Variants in ARMC3 observed in about 807,000 individuals in gnomAD.
ARMC3 encodes the protein armadillo repeat containing 3, also known as armadillo repeat-containing protein 3.
A neutral mutation model predicts 90.3 loss-of-function variants in ARMC3; 74 were observed. The ratio of observed to expected loss-of-function variants is 0.82; its 90% CI spans 0.68 to 0.99. ARMC3 has a LOEUF of 0.99. ARMC3 is among the 50% of genes least tolerant of loss of function. The pLI is 0.00. For synonymous variants in ARMC3, 334 were observed against 361.8 expected, an observed-to-expected ratio of 0.92 and a Z score of 0.87; for missense variants, 958 against 1,042.8, an observed-to-expected ratio of 0.92 and a Z score of 1.12.
chr10:23,026,839 G>A lies in ARMC3; in HGVS notation c.2046-3757G>A, dbSNP rs180866084. On this transcript the variant is annotated intron_variant, in intron 16 of 18. Transcript: ENST00000298032. The stretch of plus-strand genomic sequence containing the variant: ...GTTTCATCACCACGTGGACCCTCAA[G>A]TCGAATTGCCCCAGTACCATTTGTT... 1.5e-4 allele frequency among the ~76,000 whole-genome samples: 23 copies of A among 152,284 alleles called. No individual in the cohort carries two copies. The East Asian group carries it at 4.2e-3, about 28-fold the overall frequency.
intron 2 of ARMC3, among the ~76,000 whole-genome samples, chr10:22,934,529 T>A (rs902672812): frequency 1.3e-5 from 2 of 152,226 alleles, no homozygotes; most frequent in African/African-American, 4.8e-5. Flanking sequence ...GAATTCCTAA[T>A]AGAAATGACT....
At chr10:22,984,566 C>T (rs1024348626) in intron 10 of ARMC3, among the ~76,000 whole-genome samples, 7 of 152,000 alleles carry the variant, frequency 4.6e-5, no homozygotes, top group African/African-American at 1.7e-4. Flanking sequence ...ACACATCTTG[C>T]TTTCTCATAA....
intron 8 of ARMC3, among the ~76,000 whole-genome samples, chr10:22,971,941 A>T (rs555092762): frequency 6.6e-6 from 1 of 152,264 alleles, no homozygotes; most frequent in East Asian, 1.9e-4. Context: ...TGCCCTAATG[A>T]TTAGCAACTT....
chr10:23,020,711 A>G (rs1439144848), intron 16 of ARMC3, among the ~76,000 whole-genome samples: 2 of 151,988 alleles, frequency 1.3e-5, no homozygotes, highest in African/African-American at 4.8e-5. Flanking sequence ...GCATTTTTTC[A>G]TGTGCTTATT....
chr10:22,958,938 G>T lies in ARMC3; in HGVS notation c.293-132G>T, dbSNP rs111484108. The T allele has an allele frequency of 3.0e-5, 20 of 676,614 alleles. No homozygotes were observed. In the Admixed American group the frequency reaches 3.3e-4, roughly 11 times the overall value. 41.9% of individuals were successfully genotyped at this position (676,614 alleles called of 1,614,324 possible). On this transcript the variant is annotated intron_variant, in intron 4 of 18. Coordinates refer to ENST00000298032, the MANE Select transcript of ARMC3 (RefSeq NM_173081.5). ...GGGTTTCACCATGTTGGCTAGGCTGGTCTCGAACTCCTGACCTCAAGTGAT... is the reference window on the plus strand; with the variant it reads ...GGGTTTCACCATGTTGGCTAGGCTGTTCTCGAACTCCTGACCTCAAGTGAT...
At chr10:22,967,656 A>G (rs1357304821) in intron 7 of ARMC3, among the ~76,000 whole-genome samples, 1 of 152,208 alleles carries the variant, frequency 6.6e-6, no homozygotes, top group Non-Finnish European at 1.5e-5. Context: ...TGAGTCTTCA[A>G]AAGGCCATTC....
chr10:22,930,385 T>C (rs776038007), intron 1 of ARMC3, among the ~76,000 whole-genome samples: 14 of 152,228 alleles, frequency 9.2e-5, no homozygotes, highest in Non-Finnish European at 1.8e-4. Flanking sequence ...AATTTTCTCA[T>C]TTTACAAGAA....
At chr10:22,945,079 G>A (rs1484768679) in intron 2 of ARMC3, among the ~76,000 whole-genome samples, 1 of 152,082 alleles carries the variant, frequency 6.6e-6, no homozygotes, top group African/African-American at 2.4e-5. Flanking sequence ...CCTCCAAAAG[G>A]GAAATTTTAT....
chr10:23,006,731 A>T (rs1837631087), intron 13 of ARMC3, 153 bp from the exon 14 acceptor site: 2 of 592,218 alleles, frequency 3.4e-6, no homozygotes, highest in Non-Finnish European at 5.9e-6. Flanking sequence ...TCAGGTTCCT[A>T]TTTCTAATTT....
intron 14 of ARMC3, among the ~76,000 whole-genome samples, 175 bp downstream of exon 14, chr10:23,007,156 A>G (rs1465370156): frequency 2.0e-5 from 3 of 152,210 alleles, no homozygotes; most frequent in Non-Finnish European, 4.4e-5. Context: ...ATAACCATGA[A>G]ATAGCCACCA....
chr10:22,982,543 T>C (rs956361749), intron 10 of ARMC3, among the ~76,000 whole-genome samples: 1 of 152,228 alleles, frequency 6.6e-6, no homozygotes, highest in Non-Finnish European at 1.5e-5. Flanking sequence ...CTGAGACTTT[T>C]CAAGCTTACT....
chr10:22,939,747 G>C (rs942198174), intron 2 of ARMC3, among the ~76,000 whole-genome samples: 4 of 151,994 alleles, frequency 2.6e-5, no homozygotes, highest in Non-Finnish European at 5.9e-5. Context: ...ATACAAAATT[G>C]TTAGGTGTGC....
chr10:22,998,301 C>T lies in ARMC3; in HGVS notation c.1329C>T (p.Ala443=). ...LNIQNHDIMH[A]IISPLRSANT... ...TACAGAATCACGACATCATGCATGC[C>T]ATCATCAGCCCACTGCGTTCTGCAA... The change falls in exon 11 of 19, where the codon GCC becomes GCT. Residue 443 remains alanine (A), a synonymous_variant. Coordinates refer to ENST00000298032, the MANE Select transcript of ARMC3 (RefSeq NM_173081.5). The T allele has an allele frequency of 6.2e-7, 1 of 1,612,788 alleles. No individual in the cohort carries two copies. The highest frequency in any genetic ancestry group is 2.2e-5 in the East Asian group (1 of 44,806).
At chr10:22,978,871 A>G (rs1408381434) in intron 8 of ARMC3, among the ~76,000 whole-genome samples, 1 of 152,218 alleles carries the variant, frequency 6.6e-6, no homozygotes, top group Non-Finnish European at 1.5e-5. Flanking sequence ...ATTTTTTTAG[A>G]CAAGGTCATG....
At chr10:22,997,720 A>C (rs1009375359) in intron 10 of ARMC3, among the ~76,000 whole-genome samples, 9 of 152,192 alleles carry the variant, frequency 5.9e-5, no homozygotes, top group African/African-American at 2.2e-4. Flanking sequence ...ATAGCTAGGA[A>C]TATTTTATCT....
At position 23,037,425 on chromosome 10, in the gene ARMC3, A is replaced by G. The variant is rs759939153; in HGVS notation, c.2565A>G (p.Pro855=). 2 of 1,614,006 alleles carry G rather than the reference A, an allele frequency of 1.2e-6. No individual in the cohort carries two copies. The highest frequency in any genetic ancestry group is 1.7e-5 in the Admixed American group (1 of 60,012). The change falls in exon 19 of 19, where the codon CCA becomes CCG. Residue 855 remains proline (P), a synonymous_variant. Transcript: ENST00000298032. ...EMYVIDLMFH[P]GGLMKLRSRE... ...ACGTGATTGACCTCATGTTCCATCCAGGTGGACTGATGAAGTTGAGAAGTC... is the reference window on the plus strand; with the variant it reads ...ACGTGATTGACCTCATGTTCCATCCGGGTGGACTGATGAAGTTGAGAAGTC...
chr10:22,929,000 G>C (rs1833821290), intron 1 of ARMC3, among the ~76,000 whole-genome samples: 1 of 152,212 alleles, frequency 6.6e-6, no homozygotes, highest in Non-Finnish European at 1.5e-5. Context: ...GCTGAGGCGG[G>C]TGGATCGCCT....
At position 23,003,345 on chromosome 10, in the gene ARMC3, GAAAT is replaced by G. The variant is rs778764933; in HGVS notation, c.1664_1667del (p.Lys555ThrfsTer12). ...AGTTGCTCAATAACAATCTTTCCCT[GAAAT>G]ACAGCCAGACTGGCTATTTGTCATC... On this transcript the variant is annotated frameshift_variant, in exon 13 of 19. Coordinates refer to ENST00000298032, the MANE Select transcript of ARMC3 (RefSeq NM_173081.5). LOFTEE classifies it high-confidence loss of function. 1 of 1,613,014 alleles carries G rather than the reference GAAAT, an allele frequency of 6.2e-7. No homozygotes were observed. Among genetic ancestry groups the G allele is most frequent in the African/African-American group, 1.3e-5 (1 of 74,900 alleles).
At chr10:22,989,127 GT>G (rs1836590393) in intron 10 of ARMC3, among the ~76,000 whole-genome samples, 1 of 152,184 alleles carries the variant, frequency 6.6e-6, no homozygotes, top group East Asian at 1.9e-4. Flanking sequence ...TGGTTCTGTA[GT>G]TTAATGAAAC....
Sources: gnomAD v4.1 joint callset for allele counts (sites outside exome capture counted in the v4.1 genomes callset) on GRCh38, gnomAD v4.1.1 for gene constraint, MANE v1.5 for transcripts, NCBI Gene and HGNC (gene_info 2026-07-23, HGNC 2026-07-21) for gene names.